Variants in CDKL5 observed in about 807,000 individuals in gnomAD.
CDKL5 encodes the protein cyclin-dependent kinase-like 5.
CDKL5 carries 8 observed loss-of-function variants against 61.7 expected under a neutral mutation model. The ratio of observed to expected loss-of-function variants is 0.13; its 90% CI spans 0.08 to 0.23. CDKL5 has a LOEUF of 0.23. Among genes scored for constraint, CDKL5 ranks in the 10% least tolerant of loss-of-function variants. CDKL5 has a pLI of 1.00. For synonymous variants in CDKL5, 275 were observed against 272.3 expected, an observed-to-expected ratio of 1.01 and a Z score of -0.10; for missense variants, 440 against 734.5, an observed-to-expected ratio of 0.60 and a Z score of 4.63.
chrX:18,458,539 A>T (rs958078251), intron 1 of CDKL5, among the ~76,000 whole-genome samples: 1 of 110,969 alleles, frequency 9.0e-6, no homozygotes, highest in African/African-American at 3.3e-5. Flanking sequence ...TCTACAAAAA[A>T]TCCCCCCCCA....
rs150574818 is a variant in CDKL5 at position 18,455,135 on chromosome X, C to T, written c.-163+29440C>T. 3.4e-3 allele frequency among the ~76,000 whole-genome samples: 381 copies of T among 110,954 alleles called. 8 individuals carry two copies. In the East Asian group the frequency reaches 0.053, roughly 15 times the overall value. On this transcript the variant is annotated intron_variant, in intron 1 of 17. Coordinates refer to ENST00000623535, the MANE Select transcript of CDKL5 (RefSeq NM_001323289.2). ...ATGTGTGCAGTAGGTTCAGTTTCGA[C>T]GACTTGAAAGTAGAGCAATAATTTA... is the stretch of plus-strand genomic sequence containing the variant.
chrX:18,572,438 G>T (rs1025795027), intron 4 of CDKL5, among the ~76,000 whole-genome samples: 7 of 112,203 alleles, frequency 6.2e-5, no homozygotes, highest in Non-Finnish European at 1.3e-4. Flanking sequence ...CGCTCTTAAT[G>T]ATTTTATTTT....
At chrX:18,648,331 T>C (rs1927879081) in intron 20 of CDKL5, among the ~76,000 whole-genome samples, 1 of 110,426 alleles carries the variant, frequency 9.1e-6, no homozygotes, top group Non-Finnish European at 1.9e-5. Context: ...AACCTCTGCC[T>C]CCTGGGCTCA....
Position 18,478,741 on chromosome X carries a change from G to T in CDKL5, c.-162-28194G>T, listed in dbSNP as rs188531551. ...TGTTGTTGTTTTTGAGATGGAGTCT[G>T]GCTCTGTTGCCCAGGCTGGAGTGCA... On this transcript the variant is annotated intron_variant, in intron 1 of 17. Coordinates refer to ENST00000623535, the MANE Select transcript of CDKL5 (RefSeq NM_001323289.2). Among the ~76,000 whole-genome samples the T allele has an allele frequency of 4.4e-3, 438 of 100,220 alleles. 1 individual carries two copies. In the Middle Eastern group the frequency reaches 0.048, roughly 11 times the overall value. 87.0% of individuals were successfully genotyped at this position (100,220 alleles called of 115,157 possible).
At chrX:18,475,934 A>G (rs1463991071) in intron 1 of CDKL5, among the ~76,000 whole-genome samples, 1 of 112,506 alleles carries the variant, frequency 8.9e-6, no homozygotes, top group African/African-American at 3.2e-5. Flanking sequence ...AAAACAAGTA[A>G]CATTACTATT....
intron 1 of CDKL5, among the ~76,000 whole-genome samples, chrX:18,453,142 C>T (rs1299266773): frequency 9.0e-6 from 1 of 111,563 alleles, no homozygotes; most frequent in Non-Finnish European, 1.9e-5. Flanking sequence ...TTTTTAACCA[C>T]GTTTGAGTGC....
chrX:18,534,031 A>G (rs1923738264), intron 3 of CDKL5, among the ~76,000 whole-genome samples: 1 of 111,996 alleles, frequency 8.9e-6, no homozygotes, highest in Admixed American at 9.5e-5. Flanking sequence ...CTGCTGCCAA[A>G]TGGATGCCTG....
At chrX:18,644,297 G>A, downstream of CDKL5, 1 of 598,745 alleles carries the variant, frequency 1.7e-6, no homozygotes, top group Non-Finnish European at 2.9e-6. Context: ...AGCACATTGT[G>A]GGGGAAAGCG....
At chrX:18,513,457 G>T (rs1602234370) in intron 3 of CDKL5, among the ~76,000 whole-genome samples, 1 of 110,653 alleles carries the variant, frequency 9.0e-6, no homozygotes, top group African/African-American at 3.3e-5. Context: ...ATGGCTTATG[G>T]TCTGTCTGAA....
intron 1 of CDKL5, among the ~76,000 whole-genome samples, chrX:18,454,267 T>C (rs1201529893): frequency 9.1e-6 from 1 of 110,289 alleles, no homozygotes; most frequent in Non-Finnish European, 1.9e-5. Context: ...GATGGAGTCT[T>C]GCTCTGTCGC....
At chrX:18,530,783 C>A (rs1334525080) in intron 3 of CDKL5, among the ~76,000 whole-genome samples, 1 of 111,238 alleles carries the variant, frequency 9.0e-6, no homozygotes, top group Non-Finnish European at 1.9e-5. Flanking sequence ...AATAAATAGG[C>A]CTTTAGTGTA....
At chrX:18,622,536 A>G (rs908231988) in intron 16 of CDKL5, among the ~76,000 whole-genome samples, 3 of 112,602 alleles carry the variant, frequency 2.7e-5, no homozygotes, top group Admixed American at 1.9e-4. Flanking sequence ...GCAAAAAGAA[A>G]CTACATAGAA....
intron 4 of CDKL5, 107 bp from the exon 5 acceptor site, chrX:18,575,247 A>G (rs1329503251): frequency 6.0e-6 from 4 of 664,678 alleles, no homozygotes; most frequent in Non-Finnish European, 9.6e-6. Context: ...ATGCAGAAGT[A>G]CTCAAAGCAG....
At chrX:18,600,967 T>G (rs1256677862) in intron 11 of CDKL5, among the ~76,000 whole-genome samples, 1 of 111,927 alleles carries the variant, frequency 8.9e-6, no homozygotes, top group Non-Finnish European at 1.9e-5. Context: ...TGGTCCATAC[T>G]TATTCCATGG....
chrX:18,649,881 G>A (rs1284411398), intron 20 of CDKL5, among the ~76,000 whole-genome samples: 2 of 111,744 alleles, frequency 1.8e-5, no homozygotes, highest in African/African-American at 3.3e-5. Context: ...AGGTGGCAGG[G>A]ATTTTTCATG....
intron 1 of CDKL5, among the ~76,000 whole-genome samples, chrX:18,434,334 A>G (rs1931565125): frequency 8.9e-6 from 1 of 111,868 alleles, no homozygotes. Flanking sequence ...AGTGACCCTT[A>G]TATGTACCAG....
Position 18,633,638 on chromosome X carries a change from A to T in CDKL5, c.*4881A>T. On this transcript the variant is annotated 3_prime_UTR_variant, in exon 18 of 18. Coordinates refer to ENST00000623535, the MANE Select transcript of CDKL5 (RefSeq NM_001323289.2). Reference sequence around the variant, plus strand: ...AGAAGTCCCTCATCTATCTGCATACACGCAATGTGGGAGAAGTGGGGTGGC... The same window carrying T: ...AGAAGTCCCTCATCTATCTGCATACTCGCAATGTGGGAGAAGTGGGGTGGC... 1.5e-5 allele frequency: 11 copies of T among 754,570 alleles called. No homozygotes were observed. Among genetic ancestry groups the T allele is most frequent in the Non-Finnish European group, 1.6e-5 (10 of 639,275 alleles). 62.2% of individuals were successfully genotyped at this position (754,570 alleles called of 1,213,427 possible).
At chrX:18,459,546 A>G (rs1356838191) in intron 1 of CDKL5, among the ~76,000 whole-genome samples, 1 of 108,789 alleles carries the variant, frequency 9.2e-6, no homozygotes, top group East Asian at 2.9e-4. Context: ...TGGGCGACAG[A>G]ACGAGACTGC....
intron 10 of CDKL5, among the ~76,000 whole-genome samples, chrX:18,596,314 A>C (rs1925992279): frequency 9.1e-6 from 1 of 110,465 alleles, no homozygotes; most frequent in Non-Finnish European, 1.9e-5. Flanking sequence ...AACATAGTGT[A>C]CATAGGTGTG....
Sources: gnomAD v4.1 joint callset for allele counts (sites outside exome capture counted in the v4.1 genomes callset) on GRCh38, gnomAD v4.1.1 for gene constraint, MANE v1.5 for transcripts, NCBI Gene and HGNC (gene_info 2026-07-23, HGNC 2026-07-21) for gene names.